The following CCNYL1 variants were observed in gnomAD, a reference collection of about 807,000 sequenced individuals.
CCNYL1 encodes the protein cyclin Y like 1, also known as cyclin-Y-like protein 1.
A neutral mutation model predicts 44.2 loss-of-function variants in CCNYL1; 16 were observed. The ratio of observed to expected loss-of-function variants is 0.36; its 90% CI spans 0.25 to 0.55. The LOEUF (loss-of-function observed/expected upper bound fraction) is 0.55, where lower values mean the gene tolerates loss of function less well. Ranked by LOEUF, CCNYL1 falls within the 20% of genes least tolerant of loss-of-function variation. CCNYL1 has a pLI of 0.85. For synonymous variants in CCNYL1, 159 were observed against 163.2 expected, an observed-to-expected ratio of 0.97 and a Z score of 0.20; for missense variants, 348 against 451.8, an observed-to-expected ratio of 0.77 and a Z score of 2.08.
chr2:207,753,536 C>A, intron 9 of CCNYL1, 52 bp from the exon 10 acceptor site: 2 of 1,227,384 alleles, frequency 1.6e-6, no homozygotes, highest in Non-Finnish European at 2.4e-6. Context: ...CTTTCAAAGG[C>A]GGGAACCCTT....
Position 207,742,350 on chromosome 2 carries a change from A to G in CCNYL1, c.639+8A>G, listed in dbSNP as rs781012653. 6.2e-7 allele frequency: 1 copy of G among 1,607,566 alleles called. No individual in the cohort carries two copies. Among genetic ancestry groups the G allele is most frequent in the Non-Finnish European group, 8.5e-7 (1 of 1,177,208 alleles). On this transcript the variant is annotated splice_region_variant and intron_variant, in intron 7 of 9. Coordinates refer to ENST00000295414, the MANE Select transcript of CCNYL1 (RefSeq NM_001330218.2). ...TGTGCAATAGTAACTTTGGTAAGAT[A>G]TTTCTCATTTATAAAGTGTCTTTAG...
intron 2 of CCNYL1, among the ~76,000 whole-genome samples, chr2:207,726,006 T>C (rs1331052739): frequency 2.0e-5 from 3 of 152,210 alleles, no homozygotes; most frequent in Admixed American, 1.3e-4. Context: ...TGTCTTGAGC[T>C]GGTCATTTCT....
chr2:207,750,644 T>G (rs2091884698), intron 8 of CCNYL1: 1 of 229,688 alleles, frequency 4.4e-6, no homozygotes, highest in Non-Finnish European at 8.4e-6. Flanking sequence ...TAGTGGGGCC[T>G]TGTGAGTGAG....
intron 3 of CCNYL1, among the ~76,000 whole-genome samples, chr2:207,731,367 C>T (rs1424366576): frequency 6.6e-6 from 1 of 152,062 alleles, no homozygotes; most frequent in African/African-American, 2.4e-5. Context: ...TGCTATTCTC[C>T]CTTAAGTCTA....
chr2:207,712,062 G>C lies in CCNYL1; in HGVS notation c.166G>C (p.Gly56Arg), dbSNP rs372198238. ...AVVEPAELDF[G>R]EGEGHHLQHI... ...GGTGGAGCCTGCCGAGTTGGATTTC[G>C]GAGAGGGCGAGGGCCACCACCTGCA... The change falls in exon 1 of 10, where the codon GGA becomes CGA. Residue 56 changes from glycine (G) to arginine (R), a missense_variant. Gly to Arg is a moderately radical substitution (Grantham distance 125). This residue lies in a region of CCNYL1 where 209 missense variants were observed against 247.7 expected (regional missense o/e 0.84). Coordinates refer to ENST00000295414, the MANE Select transcript of CCNYL1 (RefSeq NM_001330218.2). 20 of 1,563,116 alleles carry C rather than the reference G, an allele frequency of 1.3e-5. No individual in the cohort carries two copies. Among genetic ancestry groups the C allele is most frequent in the Non-Finnish European group, 1.7e-5 (20 of 1,157,826 alleles).
At chr2:207,715,096 C>T (rs113503804) in intron 1 of CCNYL1, among the ~76,000 whole-genome samples, 4,194 of 151,988 alleles carry the variant, frequency 0.028, 201 homozygotes, top group African/African-American at 0.096. Flanking sequence ...GGTGAAACCC[C>T]GTCTCTACTA....
At chr2:207,751,535 C>T (rs1405294502) in intron 9 of CCNYL1, among the ~76,000 whole-genome samples, 1 of 151,958 alleles carries the variant, frequency 6.6e-6, no homozygotes, top group Admixed American at 6.6e-5. Flanking sequence ...GCCTGGCGAA[C>T]ATGGTGAAAC....
intron 1 of CCNYL1, among the ~76,000 whole-genome samples, chr2:207,720,260 G>C (rs1245339499): frequency 6.7e-6 from 1 of 149,700 alleles, no homozygotes; most frequent in African/African-American, 2.5e-5. Context: ...TATAGGATTA[G>C]AATTTATAGA....
rs1305260597 is a variant in CCNYL1 at position 207,749,778 on chromosome 2, GTTT to G, written c.807-1176_807-1174del. 2.6e-5 allele frequency among the ~76,000 whole-genome samples: 4 copies of G among 152,290 alleles called. No homozygotes were observed. The East Asian group carries it at 7.7e-4, about 29-fold the overall frequency. ...TAATTTTGGAAGTAGGTTCAGTTGGGTTTTTAAGCTCAGCAAATGAGAAAACCA... is the reference window on the plus strand; with the variant it reads ...TAATTTTGGAAGTAGGTTCAGTTGGGTTAAGCTCAGCAAATGAGAAAACCA... On this transcript the variant is annotated intron_variant, in intron 8 of 9. Coordinates refer to ENST00000295414, the MANE Select transcript of CCNYL1 (RefSeq NM_001330218.2).
At chr2:207,734,093 T>G (rs534765950) in intron 4 of CCNYL1, 46 bp downstream of exon 4, 2 of 1,200,824 alleles carry the variant, frequency 1.7e-6, no homozygotes, top group Admixed American at 3.7e-5. Flanking sequence ...GACCCCCTTA[T>G]GCTAAAAGCA....
chr2:207,734,081 C>G (rs374291612), intron 4 of CCNYL1, 34 bp downstream of exon 4: 2 of 1,360,866 alleles, frequency 1.5e-6, no homozygotes, highest in Non-Finnish European at 2.1e-6. Flanking sequence ...GGCTGAGTGA[C>G]AGACCCCCTT....
intron 7 of CCNYL1, among the ~76,000 whole-genome samples, 183 bp downstream of exon 7, chr2:207,742,525 T>G (rs972507427): frequency 6.6e-6 from 1 of 152,204 alleles, no homozygotes; most frequent in African/African-American, 2.4e-5. Context: ...ATGTTTCCAT[T>G]GCTTTTCTCA....
chr2:207,727,457 C>T (rs183713068), intron 3 of CCNYL1, among the ~76,000 whole-genome samples: 1 of 152,166 alleles, frequency 6.6e-6, no homozygotes, highest in Non-Finnish European at 1.5e-5. Flanking sequence ...CACGTCTCTT[C>T]CTAGCCTCCA....
intron 7 of CCNYL1, among the ~76,000 whole-genome samples, chr2:207,744,492 C>T (rs936159133): frequency 3.3e-5 from 5 of 151,798 alleles, no homozygotes; most frequent in Non-Finnish European, 5.9e-5. Flanking sequence ...CTCAGCCTCC[C>T]GAGTACCTGG....
rs1015399345 is a variant in CCNYL1, at chr2:207,740,577, G to A, written c.468-78G>A. ...CCAAAGCAAACAGGAGGCATCTCCC[G>A]CCACCCCCAGCAGACATTTTACTCA... On this transcript the variant is annotated intron_variant, in intron 5 of 9. Coordinates refer to ENST00000295414, the MANE Select transcript of CCNYL1 (RefSeq NM_001330218.2). 23 of 973,778 alleles carry A rather than the reference G, an allele frequency of 2.4e-5. No individual in the cohort carries two copies. In the East Asian group the frequency reaches 2.9e-4, roughly 12 times the overall value. 60.3% of individuals were successfully genotyped at this position (973,778 alleles called of 1,614,324 possible).
Position 207,754,882 on chromosome 2 carries a change from A to G in CCNYL1, c.*1184A>G, listed in dbSNP as rs1329431809. 1 of 152,202 alleles carries G rather than the reference A, an allele frequency of 6.6e-6. No homozygotes were observed. Among genetic ancestry groups the G allele is most frequent in the African/African-American group, 2.4e-5 (1 of 41,430 alleles). The allele number at this position is 152,202 out of a possible 1,614,324, so 9.4% of individuals were successfully genotyped here. On this transcript the variant is annotated 3_prime_UTR_variant, in exon 10 of 10. Coordinates refer to ENST00000295414, the MANE Select transcript of CCNYL1 (RefSeq NM_001330218.2). ...TGAAACAAAAAATTAAAAGCTTTAT[A>G]TTCAAAATTTGCAAAATGAAGCTGG...
chr2:207,750,852 AAT>A, intron 8 of CCNYL1, 103 bp from the exon 9 acceptor site: 1 of 945,540 alleles, frequency 1.1e-6, no homozygotes. Flanking sequence ...TATATTTTAA[AAT>A]AGAGTTTAGA....
At chr2:207,723,123 T>C (rs1455836720) in intron 1 of CCNYL1, among the ~76,000 whole-genome samples, 1 of 152,228 alleles carries the variant, frequency 6.6e-6, no homozygotes, top group Non-Finnish European at 1.5e-5. Context: ...GTCTTTTACA[T>C]AAGAATAGTT....
chr2:207,753,804 AG>A lies in CCNYL1; in HGVS notation c.*108del. On this transcript the variant is annotated 3_prime_UTR_variant, in exon 10 of 10. Coordinates refer to ENST00000295414, the MANE Select transcript of CCNYL1 (RefSeq NM_001330218.2). ...CAGCAAAATTAGTGTTTTCATCAAAAGGAAAGATCTCAAATTCAAGAGACTC... is the reference window on the plus strand; with the variant it reads ...CAGCAAAATTAGTGTTTTCATCAAAAGAAAGATCTCAAATTCAAGAGACTC... 4.5e-6 allele frequency: 3 copies of A among 670,804 alleles called. No homozygotes were observed. The highest frequency in any genetic ancestry group is 7.8e-6 in the Non-Finnish European group (3 of 387,024). 41.6% of individuals were successfully genotyped at this position (670,804 alleles called of 1,614,324 possible).
Sources: gnomAD v4.1 joint callset for allele counts (sites outside exome capture counted in the v4.1 genomes callset) on GRCh38, gnomAD v4.1.1 for gene constraint, gnomAD v4.1.1 regional missense constraint, MANE v1.5 for transcripts, NCBI Gene and HGNC (gene_info 2026-07-23, HGNC 2026-07-21) for gene names.